Variants in HPR observed in about 807,000 individuals in gnomAD.
HPR encodes haptoglobin-related protein.
A neutral mutation model predicts 18.5 loss-of-function variants in HPR; 17 were observed. The observed-to-expected ratio is 0.92, with a 90% CI of 0.63 to 1.38. The LOEUF (loss-of-function observed/expected upper bound fraction) is 1.38, where lower values mean the gene tolerates loss of function less well. HPR is among the 40% of genes most tolerant of loss of function. HPR has a pLI of 0.00. For missense variants in HPR, 457 were observed against 432.4 expected (o/e 1.06, Z -0.51); for synonymous variants, 176 against 165.0 (o/e 1.07, Z -0.51).
Position 72,063,363 on chromosome 16 carries a change from A to G in HPR, c.5+103A>G. The G allele has an allele frequency of 1.5e-6, 2 of 1,318,424 alleles. 1 individual carries two copies. The highest frequency in any genetic ancestry group is 4.1e-5 in the Admixed American group (2 of 48,734). 81.7% of individuals were successfully genotyped at this position (1,318,424 alleles called of 1,614,324 possible). On this transcript the variant is annotated intron_variant, in intron 1 of 4. Coordinates refer to ENST00000540303, the MANE Select transcript of HPR (RefSeq NM_020995.4). Reference sequence around the variant, plus strand: ...AGAAATAGAACAAAGAAACAGGGCAAATGGGCTAAATTATAGTGAACCAAA... The same window carrying G: ...AGAAATAGAACAAAGAAACAGGGCAGATGGGCTAAATTATAGTGAACCAAA...
intron 1 of HPR, among the ~76,000 whole-genome samples, chr16:72,073,038 CTG>C (rs1203055324): frequency 6.6e-6 from 1 of 152,178 alleles, no homozygotes; most frequent in Non-Finnish European, 1.5e-5. Context: ...GCTACCCACT[CTG>C]TGAATTACCC....
chr16:72,067,360 G>T (rs1278239203), intron 1 of HPR, among the ~76,000 whole-genome samples: 1 of 152,180 alleles, frequency 6.6e-6, no homozygotes, highest in Non-Finnish European at 1.5e-5. Flanking sequence ...AAAAGGGGAA[G>T]GATTTACGGT....
intron 4 of HPR, among the ~76,000 whole-genome samples, chr16:72,075,881 G>T (rs1325721597): frequency 6.6e-6 from 1 of 150,488 alleles, no homozygotes; most frequent in African/African-American, 2.4e-5. Flanking sequence ...GCCTAGGCTG[G>T]AGTGCAGTGG....
intron 1 of HPR, among the ~76,000 whole-genome samples, chr16:72,069,319 T>C (rs2041631188): frequency 6.6e-6 from 1 of 152,146 alleles, no homozygotes; most frequent in Non-Finnish European, 1.5e-5. Context: ...GAAATAGCTA[T>C]TGTCCGTGTA....
At chr16:72,073,719 A>C in intron 1 of HPR, 173 bp from the exon 2 acceptor site, 1 of 1,521,730 alleles carries the variant, frequency 6.6e-7, no homozygotes, top group Non-Finnish European at 8.8e-7. Context: ...TCTTGGTCCT[A>C]GCACTTCCAT....
Position 72,067,942 on chromosome 16 carries a change from T to C in HPR, c.5+4682T>C, listed in dbSNP as rs118115147. 3.8e-3 allele frequency among the ~76,000 whole-genome samples: 573 copies of C among 152,298 alleles called. 2 individuals are homozygous for C. The highest frequency in any genetic ancestry group is 0.01 in the Middle Eastern group (3 of 294). On this transcript the variant is annotated intron_variant, in intron 1 of 4. Coordinates refer to ENST00000540303, the MANE Select transcript of HPR (RefSeq NM_020995.4). ...TGTAATAGATTTAAAGGATGCTTTTTGGGCATGTCCCTGGCTGAAGAGAGC... is the reference window on the plus strand; with the variant it reads ...TGTAATAGATTTAAAGGATGCTTTTCGGGCATGTCCCTGGCTGAAGAGAGC...
chr16:72,074,544 C>A, intron 3 of HPR, 159 bp downstream of exon 3: 1 of 762,638 alleles, frequency 1.3e-6, no homozygotes, highest in Non-Finnish European at 2.4e-6. Flanking sequence ...TAGCCATGGC[C>A]CTTTGGGCAG....
chr16:72,071,193 TC>T (rs1225637042), intron 1 of HPR, among the ~76,000 whole-genome samples: 1 of 152,090 alleles, frequency 6.6e-6, no homozygotes, highest in African/African-American at 2.4e-5. Flanking sequence ...AGCGTCCTCC[TC>T]CCATCTCCAA....
At position 72,065,661 on chromosome 16, in the gene HPR, G is replaced by C. The variant is rs534245114; in HGVS notation, c.5+2401G>C. Among the ~76,000 whole-genome samples, 169 of 152,206 alleles carry C rather than the reference G, an allele frequency of 1.1e-3. 2 individuals carry two copies. Among genetic ancestry groups the C allele is most frequent in the African/African-American group, 4.0e-3 (165 of 41,548 alleles). On this transcript the variant is annotated intron_variant, in intron 1 of 4. Transcript: ENST00000540303. ...TCTGGCCAAAGTATGGGTCGAATGA[G>C]GGTGTAATGAGTCAACTCCTAATCC...
At chr16:72,074,252 T>A (rs757979316) in intron 2 of HPR, 32 bp from the exon 3 acceptor site, 1 of 1,589,412 alleles carries the variant, frequency 6.3e-7, no homozygotes, top group Admixed American at 1.7e-5. Context: ...AATTTCCAAA[T>A]GGTAAACTCT....
rs677764 is a variant in HPR at position 72,076,209 on chromosome 16, T to C, written c.269-94T>C. 41 of 1,578,154 alleles carry C rather than the reference T, an allele frequency of 2.6e-5. No homozygotes were observed. In the South Asian group the frequency reaches 3.4e-4, roughly 13 times the overall value. On this transcript the variant is annotated intron_variant, in intron 4 of 4. Coordinates refer to ENST00000540303, the MANE Select transcript of HPR (RefSeq NM_020995.4). ...AAAGCATTTAAATCTTTCCAGTTTA[T>C]GCAGCAGTGACAGCCGCCAATGCTT...
chr16:72,071,665 C>A (rs1229544198), intron 1 of HPR, among the ~76,000 whole-genome samples: 1 of 152,182 alleles, frequency 6.6e-6, no homozygotes, highest in African/African-American at 2.4e-5. Context: ...ATCAGTCTGC[C>A]CTTAGTCATC....
chr16:72,073,636 CAG>C (rs2041680531), intron 1 of HPR: 7 of 1,296,898 alleles, frequency 5.4e-6, no homozygotes, highest in Non-Finnish European at 7.1e-6. Flanking sequence ...CCCAGCAAGA[CAG>C]AGCTTGCTGG....
intron 2 of HPR, 122 bp downstream of exon 2, chr16:72,074,099 G>A (rs2041689581): frequency 5.0e-6 from 7 of 1,407,496 alleles, no homozygotes; most frequent in Non-Finnish European, 7.0e-6. Flanking sequence ...CTGACCTCTG[G>A]GCTTTCAGGA....
chr16:72,076,167 C>G, intron 4 of HPR, 136 bp from the exon 5 acceptor site: 1 of 1,488,026 alleles, frequency 6.7e-7, no homozygotes, highest in Non-Finnish European at 9.0e-7. Context: ...GAAATGAGAT[C>G]AGCAGGTGGT....
rs1361692664 is a variant in HPR, at chr16:72,074,206, T to C, written c.92-78T>C. 6.7e-6 allele frequency: 9 copies of C among 1,351,404 alleles called. 1 individual carries two copies. The Admixed American group carries it at 1.5e-4, about 23-fold the overall frequency. 83.7% of individuals were successfully genotyped at this position (1,351,404 alleles called of 1,614,324 possible). A position where few individuals can be genotyped will look rare whatever the true frequency, so the allele number is the denominator to read the frequency against. ...GAAGGAGATTGATGTGCAGAGCAGC[T>C]TCCACTCATCTGACTTTTCATGGGT... On this transcript the variant is annotated intron_variant, in intron 2 of 4. Transcript: ENST00000540303.
At chr16:72,073,787 TGTGTGC>T in intron 1 of HPR, 99 bp from the exon 2 acceptor site, 1 of 1,598,128 alleles carries the variant, frequency 6.3e-7, no homozygotes, top group Non-Finnish European at 8.5e-7. Flanking sequence ...TGCATGTGTG[TGTGTGC>T]GTGTGTGTGT....
chr16:72,073,804 G>A, intron 1 of HPR, 88 bp from the exon 2 acceptor site: 1 of 1,605,356 alleles, frequency 6.2e-7, no homozygotes, highest in Non-Finnish European at 8.5e-7. Context: ...GTGTGTGTGT[G>A]TGTGTACATG....
chr16:72,072,553 G>A (rs575978269), intron 1 of HPR, among the ~76,000 whole-genome samples: 10 of 152,184 alleles, frequency 6.6e-5, no homozygotes, highest in African/African-American at 2.2e-4. Flanking sequence ...CAAAAATTCT[G>A]GACTAAACGA....
Sources: allele counts gnomAD v4.1 joint callset (sites outside exome capture counted in the v4.1 genomes callset), GRCh38; gene constraint gnomAD v4.1.1; transcripts MANE v1.5; gene names NCBI Gene and HGNC (gene_info 2026-07-23, HGNC 2026-07-21).